The following RHBDD1 variants were observed in gnomAD, a reference collection of about 807,000 sequenced individuals.
RHBDD1 encodes the protein rhomboid-related protein 4.
In RHBDD1, 38 loss-of-function variants were observed where a neutral mutation model predicts 36.3. The observed-to-expected ratio is 1.05, with a 90% confidence interval of 0.81 to 1.37. The LOEUF (loss-of-function observed/expected upper bound fraction) is 1.37. RHBDD1 is among the 40% of genes most tolerant of loss of function. The pLI is 0.00. For synonymous variants in RHBDD1, 151 were observed against 136.5 expected (o/e 1.11, Z -0.74); for missense variants, 393 against 377.6 (o/e 1.04, Z -0.34).
chr2:226,812,045 T>A, the RHBDD1 span, among the ~76,000 whole-genome samples: 1 of 152,248 alleles, frequency 6.6e-6, no homozygotes, highest in Non-Finnish European at 1.5e-5. Flanking sequence ...CTCTCAAGAA[T>A]TATCCCCCCA....
At chr2:226,911,150 C>G (rs1030298622) in intron 7 of RHBDD1, among the ~76,000 whole-genome samples, 6 of 152,086 alleles carry the variant, frequency 3.9e-5, no homozygotes, top group African/African-American at 2.4e-5. Context: ...AATTAAAACT[C>G]TAGGTAGATA....
the RHBDD1 span, among the ~76,000 whole-genome samples, chr2:226,805,438 C>G: frequency 1.3e-5 from 2 of 152,172 alleles, no homozygotes; most frequent in Non-Finnish European, 2.9e-5. Context: ...GTCTTGAACC[C>G]CTGACCTCAG....
chr2:226,836,616 CG>C (rs1184926870), intron 1 of RHBDD1, among the ~76,000 whole-genome samples: 1 of 152,192 alleles, frequency 6.6e-6, no homozygotes, highest in Non-Finnish European at 1.5e-5. Context: ...TTACAAGAAA[CG>C]GATCACAGCC....
At position 226,862,085 on chromosome 2, in the gene RHBDD1, A is replaced by T. The variant is rs140653371; in HGVS notation, c.-90-2519A>T. 2.6e-3 allele frequency among the ~76,000 whole-genome samples: 399 copies of T among 152,338 alleles called. 1 individual carries two copies. Among genetic ancestry groups the T allele is most frequent in the African/African-American group, 8.5e-3 (355 of 41,572 alleles). The stretch of plus-strand genomic sequence containing the variant: ...TGAACATTGTTTTGGTGTGATGTTG[A>T]TAATAAGAATCCATATGGGGGCATA... On this transcript the variant is annotated intron_variant, in intron 3 of 8. Transcript: ENST00000392062.
intron 5 of RHBDD1, among the ~76,000 whole-genome samples, chr2:226,882,604 T>C (rs550555113): frequency 3.3e-5 from 5 of 152,162 alleles, no homozygotes; most frequent in Admixed American, 6.5e-5. Flanking sequence ...CCAAGATGTA[T>C]GGAAACCGCC....
At chr2:226,981,521 A>G (rs1955749118) in intron 8 of RHBDD1, among the ~76,000 whole-genome samples, 1 of 151,684 alleles carries the variant, frequency 6.6e-6, no homozygotes, top group Non-Finnish European at 1.5e-5. Context: ...CACTCATGCA[A>G]ACACATGCAG....
At chr2:226,974,225 T>TTTTTATTTTA (rs145186235) in intron 8 of RHBDD1, among the ~76,000 whole-genome samples, 65,563 of 148,118 alleles carry the variant, frequency 0.44, 14,899 homozygotes, top group South Asian at 0.51. Flanking sequence ...TGTTGCCCTT[T>TTTTTATTTTA]TTTTATTTTA....
In RHBDD1 at chr2:226,965,861, C is replaced by A. The variant is rs1952585065; in HGVS notation, c.857-29570C>A. Among the ~76,000 whole-genome samples the A allele has an allele frequency of 2.0e-5, 3 of 151,588 alleles. No individual in the cohort carries two copies. In the South Asian group the frequency reaches 6.3e-4, roughly 32 times the overall value. ...GACTTACAGCATAGTCCAGTGGCAG[C>A]GGGCTAGACAGGAGAACCGCAATTG... On this transcript the variant is annotated intron_variant, in intron 8 of 8. Coordinates refer to ENST00000392062, the MANE Select transcript of RHBDD1 (RefSeq NM_001167608.3).
intron 8 of RHBDD1, among the ~76,000 whole-genome samples, chr2:226,936,163 T>A (rs1950317164): frequency 6.6e-6 from 1 of 152,168 alleles, no homozygotes. Flanking sequence ...AGATTACTGA[T>A]TCTTACTTGC....
At chr2:226,802,516 A>G in the RHBDD1 span, among the ~76,000 whole-genome samples, 1 of 152,262 alleles carries the variant, frequency 6.6e-6, no homozygotes, top group Admixed American at 6.5e-5. Flanking sequence ...GAATAGAAAG[A>G]GACGCGTTTG....
At chr2:226,984,149 T>C (rs6706812) in intron 8 of RHBDD1, among the ~76,000 whole-genome samples, 152,364 of 152,388 alleles carry the variant, frequency 1, 76,170 homozygotes, top group Non-Finnish European at 1. Context: ...TCACTGGGGG[T>C]CTGCCCAGCA....
intron 8 of RHBDD1, among the ~76,000 whole-genome samples, chr2:226,933,517 T>C (rs531325934): frequency 6.6e-6 from 1 of 152,240 alleles, no homozygotes; most frequent in Non-Finnish European, 1.5e-5. Context: ...TTTACCAATC[T>C]TCTTACAATT....
At chr2:226,965,900 G>A (rs960216284) in intron 8 of RHBDD1, among the ~76,000 whole-genome samples, 8 of 151,564 alleles carry the variant, frequency 5.3e-5, no homozygotes, top group South Asian at 2.1e-4. Flanking sequence ...GAAAAAGCAC[G>A]AAGTTTATAG....
intron 8 of RHBDD1, among the ~76,000 whole-genome samples, chr2:226,943,874 T>C (rs188285631): frequency 1.3e-5 from 2 of 152,354 alleles, no homozygotes; most frequent in East Asian, 3.9e-4. Flanking sequence ...CTCATTGTTA[T>C]TTTAAAGTTT....
At chr2:226,908,771 C>A in intron 6 of RHBDD1, 51 bp from the exon 7 acceptor site, 1 of 1,185,344 alleles carries the variant, frequency 8.4e-7, no homozygotes, top group South Asian at 1.2e-5. Flanking sequence ...GAACAATTAG[C>A]ATTTAAAGCT....
chr2:226,963,875 A>T (rs1952418174), intron 8 of RHBDD1, among the ~76,000 whole-genome samples: 1 of 152,070 alleles, frequency 6.6e-6, no homozygotes. Flanking sequence ...AAAACTACAA[A>T]CGAACCTATT....
At chr2:226,850,308 T>A (rs558473764) in intron 3 of RHBDD1, among the ~76,000 whole-genome samples, 1 of 152,284 alleles carries the variant, frequency 6.6e-6, no homozygotes, top group African/African-American at 2.4e-5. Flanking sequence ...GGGAAACCAG[T>A]CGTAGGAGAG....
chr2:226,855,613 T>A (rs1433663958), intron 3 of RHBDD1, among the ~76,000 whole-genome samples: 1 of 152,232 alleles, frequency 6.6e-6, no homozygotes, highest in African/African-American at 2.4e-5. Context: ...GAAAGTTTCT[T>A]AATATGGTTA....
chr2:226,927,305 T>TA (rs1949726117), intron 8 of RHBDD1, among the ~76,000 whole-genome samples: 2 of 152,014 alleles, frequency 1.3e-5, no homozygotes, highest in African/African-American at 2.4e-5. Context: ...TATGGTTGAA[T>TA]TATACTCTAG....
Sources: gnomAD v4.1 joint callset for allele counts (sites outside exome capture counted in the v4.1 genomes callset) on GRCh38, gnomAD v4.1.1 for gene constraint, MANE v1.5 for transcripts, NCBI Gene and HGNC (gene_info 2026-07-23, HGNC 2026-07-21) for gene names.